The following TNNI1 variants were observed in gnomAD, a reference collection of about 807,000 sequenced individuals.
The protein encoded by TNNI1 is troponin I1, slow skeletal type.
A neutral mutation model predicts 26.7 loss-of-function variants in TNNI1; 14 were observed. The ratio of observed to expected loss-of-function variants is 0.52; its 90% CI spans 0.35 to 0.82. TNNI1 has a LOEUF of 0.82. Among genes scored for constraint, TNNI1 ranks in the 40% least tolerant of loss-of-function variants. TNNI1 has a pLI of 0.01. For missense variants in TNNI1, 164 were observed against 257.0 expected, an observed-to-expected ratio of 0.64 and a Z score of 2.47; for synonymous variants, 79 against 98.2, an observed-to-expected ratio of 0.80 and a Z score of 1.16.
In TNNI1 at chr1:201,405,345, AAG is replaced by A. The variant is rs1662494708; in HGVS notation, c.*3906_*3907del. ...CAGCCTAGAAGTGTGTCTTGGAAGGAAGAGAAAACCCTTGCCCGTCACCTTTA... is the reference window on the plus strand; with the variant it reads ...CAGCCTAGAAGTGTGTCTTGGAAGGAAGAAAACCCTTGCCCGTCACCTTTA... On this transcript the variant is annotated 3_prime_UTR_variant, in exon 9 of 9. Coordinates refer to ENST00000361379, the MANE Select transcript of TNNI1 (RefSeq NM_003281.4). 6.6e-6 allele frequency: 1 copy of A among 152,670 alleles called. No homozygotes were observed. The highest frequency in any genetic ancestry group is 1.5e-5 in the Non-Finnish European group (1 of 68,082). The allele number at this position is 152,670 out of a possible 1,614,324, so 9.5% of individuals were successfully genotyped here.
At chr1:201,413,940 G>A (rs1662686041) in intron 5 of TNNI1, among the ~76,000 whole-genome samples, 1 of 152,124 alleles carries the variant, frequency 6.6e-6, no homozygotes, top group African/African-American at 2.4e-5. Context: ...TTACAGGCAT[G>A]AGCCACTGTG....
intron 6 of TNNI1, among the ~76,000 whole-genome samples, chr1:201,412,452 C>T (rs1662648693): frequency 6.6e-6 from 1 of 152,126 alleles, no homozygotes; most frequent in Admixed American, 6.5e-5. Context: ...GGACAAATGC[C>T]CCAAAGGAGC....
chr1:201,420,629 C>T (rs935388379), intron 1 of TNNI1, among the ~76,000 whole-genome samples: 16 of 152,062 alleles, frequency 1.1e-4, no homozygotes, highest in African/African-American at 3.9e-4. Flanking sequence ...GAACTGATCT[C>T]TTTGCACACC....
rs1662754110 is a variant in TNNI1 at position 201,417,004 on chromosome 1, C to T, written c.15+112G>A. 2.8e-5 allele frequency: 36 copies of T among 1,302,968 alleles called. No individual in the cohort carries two copies. In the South Asian group the frequency reaches 4.3e-4, roughly 15 times the overall value. 80.7% of individuals were successfully genotyped at this position (1,302,968 alleles called of 1,614,324 possible). On this transcript the variant is annotated intron_variant, in intron 3 of 8. Transcript: ENST00000361379. ...CTAAATACCCTACACCCCCTGGACT[C>T]CCACCAGGCCTTAACACAGGCTCTT...
rs999945621 is a variant in TNNI1, at chr1:201,415,361, G to C, written c.16-107C>G. 1.3e-5 allele frequency: 15 copies of C among 1,187,660 alleles called. No individual in the cohort carries two copies. In the African/African-American group the frequency reaches 2.3e-4, roughly 18 times the overall value. 73.6% of individuals were successfully genotyped at this position (1,187,660 alleles called of 1,614,324 possible). ...AGCCAGCGTTCTCTATCTTTATCCG[G>C]AATCCTCTGCTCACCCTACGGTGCC... On this transcript the variant is annotated intron_variant, in intron 3 of 8. Coordinates refer to ENST00000361379, the MANE Select transcript of TNNI1 (RefSeq NM_003281.4).
chr1:201,410,525 T>C, intron 7 of TNNI1, 90 bp from the exon 8 acceptor site: 1 of 1,142,188 alleles, frequency 8.8e-7, no homozygotes, highest in Non-Finnish European at 1.3e-6. Context: ...ACCAGTCTCC[T>C]CGGATGATAA....
At chr1:201,414,099 C>T (rs892900395) in intron 5 of TNNI1, among the ~76,000 whole-genome samples, 1 of 152,232 alleles carries the variant, frequency 6.6e-6, no homozygotes, top group Non-Finnish European at 1.5e-5. Flanking sequence ...TGATATACTT[C>T]CTTCCAGTCT....
intron 5 of TNNI1, 47 bp from the exon 6 acceptor site, chr1:201,413,168 G>T: frequency 6.2e-7 from 1 of 1,605,524 alleles, no homozygotes. Flanking sequence ...GAGGGGAACA[G>T]AGACATCAGT....
rs1214132827 is a variant in TNNI1, at chr1:201,405,059, C to G, written c.*4194G>C. ...GTTGGCACTGGAGCCAGTTGGGGTG[C>G]TGAGTTGAGGCCAGAGATGGGCAGC... On this transcript the variant is annotated 3_prime_UTR_variant, in exon 9 of 9. Transcript: ENST00000361379. 6.6e-6 allele frequency: 1 copy of G among 152,394 alleles called. No individual in the cohort carries two copies. Among genetic ancestry groups the G allele is most frequent in the African/African-American group, 2.4e-5 (1 of 41,472 alleles). 9.4% of individuals were successfully genotyped at this position (152,394 alleles called of 1,614,324 possible).
intron 1 of TNNI1, among the ~76,000 whole-genome samples, chr1:201,418,338 C>G (rs1306394936): frequency 6.6e-6 from 1 of 151,908 alleles, no homozygotes; most frequent in Non-Finnish European, 1.5e-5. Flanking sequence ...CATGGTGGTG[C>G]ACGCCTATAG....
At chr1:201,418,000 GC>G (rs890320478) in intron 1 of TNNI1, among the ~76,000 whole-genome samples, 188 bp from the exon 2 acceptor site, 2 of 151,658 alleles carry the variant, frequency 1.3e-5, no homozygotes, top group African/African-American at 4.8e-5. Context: ...CAGCCCATAA[GC>G]CTGACCTGGC....
At chr1:201,417,412 G>GT (rs1400013687) in intron 2 of TNNI1, among the ~76,000 whole-genome samples, 1 of 152,198 alleles carries the variant, frequency 6.6e-6, no homozygotes, top group Non-Finnish European at 1.5e-5. Context: ...AAGCCTTAGC[G>GT]TAGGGTTCCA....
intron 5 of TNNI1, among the ~76,000 whole-genome samples, chr1:201,413,611 G>T (rs1269128591): frequency 1.3e-5 from 2 of 151,970 alleles, no homozygotes; most frequent in East Asian, 3.9e-4. Context: ...CAGGCATGGT[G>T]GTGTGCACCT....
At chr1:201,418,831 G>C (rs139207942) in intron 1 of TNNI1, among the ~76,000 whole-genome samples, 167 of 152,212 alleles carry the variant, frequency 1.1e-3, no homozygotes, top group African/African-American at 3.9e-3. Context: ...GTTTCCTCTT[G>C]ATGTTTATTA....
At chr1:201,417,883 A>T in intron 1 of TNNI1, 71 bp from the exon 2 acceptor site, 1 of 1,148,554 alleles carries the variant, frequency 8.7e-7, no homozygotes, top group Non-Finnish European at 1.1e-6. Context: ...GGGCCTTGGG[A>T]GCCCAGCCTA....
rs755140495 is a variant in TNNI1, at chr1:201,411,472, C to T, written c.341G>A (p.Arg114His). ...GGCGTCAGCCGAGACACGGACTCGACGCAGGGGCGGGCGCTTGAACTTCCC... is the reference window on the plus strand; with the variant it reads ...GGCGTCAGCCGAGACACGGACTCGATGCAGGGGCGGGCGCTTGAACTTCCC... ...LRGKFKRPPL[R>H]RVRVSADAML... is the part of the protein sequence containing the mutation. Residue 114 changes from arginine to histidine, a missense_variant, in exon 7 of 9, where the codon CGT becomes CAT. This residue lies in a region of TNNI1 where 117 missense variants were observed against 158.7 expected (regional missense o/e 0.74). Coordinates refer to ENST00000361379, the MANE Select transcript of TNNI1 (RefSeq NM_003281.4). This position sits in a 1 kb window ranked among gnomAD's most constrained non-coding sequence, Gnocchi z 4.6. The T allele has an allele frequency of 1.3e-5, 21 of 1,612,836 alleles. No homozygotes were observed. The highest frequency in any genetic ancestry group is 6.8e-6 in the Non-Finnish European group (8 of 1,179,550).
intron 1 of TNNI1, among the ~76,000 whole-genome samples, chr1:201,419,530 G>A (rs1662819613): frequency 6.6e-6 from 1 of 152,196 alleles, no homozygotes. Flanking sequence ...CAGGAGTTTG[G>A]ACTTGGTTCA....
In TNNI1 at chr1:201,404,125, G is replaced by C. The variant is rs1662471537; in HGVS notation, c.*5128C>G. The C allele has an allele frequency of 6.6e-6, 1 of 152,212 alleles. No individual in the cohort carries two copies. The highest frequency in any genetic ancestry group is 2.4e-5 in the African/African-American group (1 of 41,440). 9.4% of individuals were successfully genotyped at this position (152,212 alleles called of 1,614,324 possible). ...AGGGAATTTCAAGATTTTTCAGCCA[G>C]TGGTTGGGCAAGGGGTCATCTCTCT... On this transcript the variant is annotated 3_prime_UTR_variant, in exon 9 of 9. Transcript: ENST00000361379.
intron 3 of TNNI1, 56 bp downstream of exon 3, chr1:201,417,060 C>T: frequency 6.2e-7 from 1 of 1,612,320 alleles, no homozygotes. Context: ...CCCACCTTCC[C>T]ACTTTTACCA....
Sources: allele counts gnomAD v4.1 joint callset (sites outside exome capture counted in the v4.1 genomes callset), GRCh38; gene constraint gnomAD v4.1.1; regional missense constraint gnomAD v4.1.1; non-coding constraint Gnocchi (gnomAD v3.1); transcripts MANE v1.5; gene names NCBI Gene and HGNC (gene_info 2026-07-23, HGNC 2026-07-21).